The following OPN5 variants were observed in gnomAD, a reference collection of about 807,000 sequenced individuals.
OPN5 encodes opsin 5, also known as opsin-5.
Under a neutral mutation model 41.7 loss-of-function variants are expected in OPN5, and 18 were observed. The ratio of observed to expected loss-of-function variants is 0.43; its 90% CI spans 0.30 to 0.64. The LOEUF (loss-of-function observed/expected upper bound fraction) is 0.64. Ranked by LOEUF, OPN5 falls within the 30% of genes least tolerant of loss-of-function variation. OPN5 has a pLI of 0.13. For synonymous variants in OPN5, 178 were observed against 164.3 expected, an observed-to-expected ratio of 1.08 and a Z score of -0.64; for missense variants, 318 against 434.5, an observed-to-expected ratio of 0.73 and a Z score of 2.38.
exon 7 of OPN5, chr6:47,824,002 G>C: frequency 1.3e-6 from 2 of 1,549,334 alleles, no homozygotes; most frequent in Non-Finnish European, 1.7e-6. Context: ...CAAATGTTCT[G>C]GTTGTGAAGA....
chr6:47,794,000 ATAGAG>A (rs55739902), intron 3 of OPN5, among the ~76,000 whole-genome samples: 22,332 of 152,096 alleles, frequency 0.15, 1,718 homozygotes, highest in Middle Eastern at 0.17. Context: ...AATGGAGACA[ATAGAG>A]TATAGAAACA....
At chr6:47,785,420 C>T (rs1051354686) in intron 1 of OPN5, among the ~76,000 whole-genome samples, 1 of 152,240 alleles carries the variant, frequency 6.6e-6, no homozygotes, top group African/African-American at 2.4e-5. Flanking sequence ...GCAGTTAGTT[C>T]CTGGTGGTTT....
chr6:47,806,153 A>C (rs1056453542), intron 4 of OPN5, among the ~76,000 whole-genome samples: 13 of 152,084 alleles, frequency 8.5e-5, no homozygotes, highest in African/African-American at 2.9e-4. Flanking sequence ...GGTGGAAACA[A>C]AGGTGAACAA....
intron 4 of OPN5, among the ~76,000 whole-genome samples, chr6:47,804,687 C>T (rs1256310306): frequency 6.6e-6 from 1 of 152,142 alleles, no homozygotes; most frequent in Admixed American, 6.5e-5. Flanking sequence ...CTTTTTAGAT[C>T]TAGCCTTTTA....
intron 6 of OPN5, among the ~76,000 whole-genome samples, chr6:47,821,180 G>C (rs1055400030): frequency 6.6e-6 from 1 of 152,270 alleles, no homozygotes; most frequent in East Asian, 1.9e-4. Flanking sequence ...GGTGAGGCAG[G>C]CACACTTGGT....
intron 1 of OPN5, among the ~76,000 whole-genome samples, chr6:47,785,030 G>A (rs190194585): frequency 1.2e-4 from 19 of 152,262 alleles, no homozygotes; most frequent in African/African-American, 4.3e-4. Flanking sequence ...TGGGCACTGG[G>A]TGAAACCTTA....
chr6:47,820,522 T>A lies in OPN5; in HGVS notation c.1057-3461T>A, dbSNP rs182052402. 2.8e-3 allele frequency among the ~76,000 whole-genome samples: 424 copies of A among 152,302 alleles called. 3 individuals carry two copies. Among genetic ancestry groups the A allele is most frequent in the African/African-American group, 9.3e-3 (385 of 41,560 alleles). On this transcript the variant is annotated intron_variant, in intron 6 of 6. Coordinates refer to ENST00000371211, the Ensembl canonical transcript of OPN5. ...TCTATTTCCTTGCTTGATTTACACT[T>A]GAGATGAGAAATTAGAGCTGATTTC...
At chr6:47,795,726 TC>T (rs1254983886) in intron 4 of OPN5, among the ~76,000 whole-genome samples, 163 bp downstream of exon 4, 1 of 151,824 alleles carries the variant, frequency 6.6e-6, no homozygotes, top group Non-Finnish European at 1.5e-5. Flanking sequence ...GTGGTATCTC[TC>T]TCCTCTTTCT....
chr6:47,782,246 G>A (rs1467406376), intron 1 of OPN5, 50 bp downstream of exon 1: 10 of 1,569,078 alleles, frequency 6.4e-6, no homozygotes, highest in Non-Finnish European at 7.9e-6. Flanking sequence ...GAAAATTCAT[G>A]GGCTGATATG....
intron 4 of OPN5, among the ~76,000 whole-genome samples, chr6:47,807,703 A>G (rs1315970347): frequency 6.6e-6 from 1 of 152,164 alleles, no homozygotes; most frequent in Non-Finnish European, 1.5e-5. Context: ...AAATTTCTGA[A>G]CATGCAAATT....
At chr6:47,787,155 C>T (rs1773217715) in intron 2 of OPN5, 1 of 983,108 alleles carries the variant, frequency 1.0e-6, no homozygotes, top group Non-Finnish European at 1.2e-6. Context: ...TGACATATCA[C>T]AAGCATAGGA....
intron 6 of OPN5, among the ~76,000 whole-genome samples, chr6:47,821,979 G>C (rs923601694): frequency 6.6e-6 from 1 of 152,066 alleles, no homozygotes; most frequent in Admixed American, 6.5e-5. Flanking sequence ...GGGCGCGGTG[G>C]CACGTGCCTA....
intron 4 of OPN5, among the ~76,000 whole-genome samples, chr6:47,799,808 C>T (rs1467998340): frequency 6.6e-6 from 1 of 152,154 alleles, no homozygotes; most frequent in Non-Finnish European, 1.5e-5. Context: ...TCCCCACTTG[C>T]CTTCAGGGTG....
chr6:47,783,027 T>C (rs1415023073), intron 1 of OPN5, among the ~76,000 whole-genome samples: 2 of 151,992 alleles, frequency 1.3e-5, no homozygotes, highest in African/African-American at 4.8e-5. Context: ...ATTATTAAAA[T>C]TAATTTACTG....
intron 4 of OPN5, among the ~76,000 whole-genome samples, chr6:47,801,713 T>G (rs1284559902): frequency 6.6e-6 from 1 of 152,242 alleles, no homozygotes; most frequent in Non-Finnish European, 1.5e-5. Context: ...CAATTTTTAA[T>G]TAATTTACGA....
chr6:47,783,048 A>T (rs1196686970), intron 1 of OPN5, among the ~76,000 whole-genome samples: 1 of 152,000 alleles, frequency 6.6e-6, no homozygotes, highest in Non-Finnish European at 1.5e-5. Context: ...TAAATTTTAA[A>T]TTTATAAATT....
At chr6:47,801,609 C>G (rs1408570782) in intron 4 of OPN5, among the ~76,000 whole-genome samples, 1 of 152,206 alleles carries the variant, frequency 6.6e-6, no homozygotes, top group Non-Finnish European at 1.5e-5. Flanking sequence ...GCTTAAATGT[C>G]ACTTCCCAGA....
intron 4 of OPN5, among the ~76,000 whole-genome samples, chr6:47,805,377 A>G (rs1773919666): frequency 6.6e-6 from 1 of 152,062 alleles, no homozygotes; most frequent in Non-Finnish European, 1.5e-5. Context: ...TTTCCTGGGG[A>G]TTCAGATTCT....
chr6:47,822,140 C>A (rs967784779), intron 6 of OPN5, among the ~76,000 whole-genome samples: 1 of 149,218 alleles, frequency 6.7e-6, no homozygotes, highest in Admixed American at 6.7e-5. Context: ...GCAGGTGATT[C>A]TTATTCCAGG....
Sources: gnomAD v4.1 joint callset for allele counts (sites outside exome capture counted in the v4.1 genomes callset) on GRCh38, gnomAD v4.1.1 for gene constraint, MANE v1.5 for transcripts, NCBI Gene and HGNC (gene_info 2026-07-23, HGNC 2026-07-21) for gene names.